ADAM32: variants seen among roughly 807,000 people sequenced by gnomAD.
ADAM32 encodes ADAM metallopeptidase domain 32, also known as disintegrin and metalloproteinase domain-containing protein 32.
A neutral mutation model predicts 114.9 loss-of-function variants in ADAM32; 89 were observed. The ratio of observed to expected loss-of-function variants is 0.77; its 90% CI spans 0.65 to 0.92. The LOEUF is 0.92. Ranked by LOEUF, ADAM32 falls within the 40% of genes least tolerant of loss-of-function variation. The pLI is 0.00. For missense variants in ADAM32, 870 were observed against 932.8 expected (o/e 0.93, Z 0.88); for synonymous variants, 285 against 307.5 (o/e 0.93, Z 0.77).
chr8:39,116,521 AT>A (rs1840383722), intron 1 of ADAM32, among the ~76,000 whole-genome samples: 1 of 151,664 alleles, frequency 6.6e-6, no homozygotes, highest in East Asian at 1.9e-4. Context: ...TCCTGTTCTT[AT>A]TTTGGCTCTT....
rs150517752 is a variant in ADAM32 at position 39,229,955 on chromosome 8, G to A, written c.1526-2072G>A. On this transcript the variant is annotated intron_variant, in intron 14 of 24. Coordinates refer to ENST00000379907, the MANE Select transcript of ADAM32 (RefSeq NM_145004.7). The stretch of plus-strand genomic sequence containing the variant: ...GACCCAAAGATAAGCCATAAAACGA[G>A]CCTCAATAAATTTAATAAAATTGAA... Among the ~76,000 whole-genome samples the A allele has an allele frequency of 3.2e-4, 48 of 152,214 alleles. 1 individual carries two copies. The highest frequency in any genetic ancestry group is 1.1e-3 in the African/African-American group (46 of 41,540).
chr8:39,273,848 A>T (rs915166267), intron 20 of ADAM32, among the ~76,000 whole-genome samples: 1 of 151,990 alleles, frequency 6.6e-6, no homozygotes, highest in African/African-American at 2.4e-5. Context: ...GGAAAGGGAA[A>T]ATTGTTTTGC....
At chr8:39,185,838 A>T (rs1806201515) in intron 10 of ADAM32, among the ~76,000 whole-genome samples, 1 of 152,068 alleles carries the variant, frequency 6.6e-6, no homozygotes, top group African/African-American at 2.4e-5. Flanking sequence ...CCTAGAGGCA[A>T]TGTGGGGTAG....
At chr8:39,275,994 C>A in intron 22 of ADAM32, 128 bp downstream of exon 22, 3 of 754,104 alleles carry the variant, frequency 4.0e-6, no homozygotes, top group South Asian at 3.0e-5. Context: ...AGTACTGTAC[C>A]TTAAAACAAC....
At chr8:39,214,078 A>G (rs1808402203) in intron 12 of ADAM32, among the ~76,000 whole-genome samples, 1 of 152,130 alleles carries the variant, frequency 6.6e-6, no homozygotes, top group Admixed American at 6.5e-5. Flanking sequence ...TCCTTTATCC[A>G]TTCATCTGTA....
intron 2 of ADAM32, among the ~76,000 whole-genome samples, chr8:39,134,236 C>T (rs1004702967): frequency 6.6e-6 from 1 of 151,994 alleles, no homozygotes; most frequent in Non-Finnish European, 1.5e-5. Flanking sequence ...TGGTACTGTG[C>T]TGCCTCTGCT....
intron 2 of ADAM32, among the ~76,000 whole-genome samples, chr8:39,121,194 A>G (rs547710108): frequency 1.1e-4 from 17 of 152,246 alleles, no homozygotes; most frequent in Non-Finnish European, 2.4e-4. Context: ...CGCCATGTCA[A>G]GTGAAGCCAG....
chr8:39,223,249 T>A lies in ADAM32; in HGVS notation c.1525+11T>A. On this transcript the variant is annotated intron_variant, in intron 14 of 24. Coordinates refer to ENST00000379907, the MANE Select transcript of ADAM32 (RefSeq NM_145004.7). Reference sequence around the variant, plus strand: ...GTGTATTTGGAAAAGGTAATATCTTTTTGTTACATCTCAATAGCCCTTAAC... The same window carrying A: ...GTGTATTTGGAAAAGGTAATATCTTATTGTTACATCTCAATAGCCCTTAAC... 6 of 1,546,374 alleles carry A rather than the reference T, an allele frequency of 3.9e-6. No individual in the cohort carries two copies. The highest frequency in any genetic ancestry group is 5.2e-6 in the Non-Finnish European group (6 of 1,146,360).
intron 1 of ADAM32, among the ~76,000 whole-genome samples, chr8:39,113,329 G>A (rs901129160): frequency 2.0e-5 from 3 of 152,110 alleles, no homozygotes; most frequent in Non-Finnish European, 4.4e-5. Context: ...GGTGTCCTGT[G>A]TCATAACACT....
intron 5 of ADAM32, among the ~76,000 whole-genome samples, 159 bp downstream of exon 5, chr8:39,150,026 C>T (rs1803729875): frequency 6.6e-6 from 1 of 152,104 alleles, no homozygotes; most frequent in African/African-American, 2.4e-5. Context: ...TCTTATTTCT[C>T]CTCACTTTCC....
rs541405828 is a variant in ADAM32, at chr8:39,181,082, A to G, written c.916-5827A>G. 5.3e-5 allele frequency among the ~76,000 whole-genome samples: 8 copies of G among 152,364 alleles called. No homozygotes were observed. The East Asian group carries it at 1.5e-3, about 29-fold the overall frequency. ...CAATCAGCAGGATGTGGGTGGGGCC[A>G]GATAAGAGAATAAAAGCAGGCTGCC... On this transcript the variant is annotated intron_variant, in intron 10 of 24. Transcript: ENST00000379907.
At chr8:39,118,390 A>G (rs1840462908) in intron 2 of ADAM32, among the ~76,000 whole-genome samples, 1 of 152,090 alleles carries the variant, frequency 6.6e-6, no homozygotes, top group South Asian at 2.1e-4. Flanking sequence ...TTAAAAGTTT[A>G]CATATAGAAG....
chr8:39,193,987 C>T (rs1806779460), intron 11 of ADAM32, among the ~76,000 whole-genome samples: 1 of 152,186 alleles, frequency 6.6e-6, no homozygotes, highest in South Asian at 2.1e-4. Context: ...GTGCCAACAG[C>T]AGTGGCGGTG....
intron 1 of ADAM32, among the ~76,000 whole-genome samples, chr8:39,110,519 T>C (rs1275442380): frequency 6.6e-6 from 1 of 152,246 alleles, no homozygotes; most frequent in African/African-American, 2.4e-5. Flanking sequence ...TGCAGGTTTT[T>C]GTGTGGACAT....
chr8:39,279,239 A>G (rs910905248), intron 22 of ADAM32, among the ~76,000 whole-genome samples: 2 of 152,152 alleles, frequency 1.3e-5, no homozygotes, highest in Non-Finnish European at 2.9e-5. Flanking sequence ...TCCACTGGAA[A>G]TGATTATATT....
chr8:39,250,016 T>C (rs1239816281), intron 17 of ADAM32, among the ~76,000 whole-genome samples: 1 of 152,144 alleles, frequency 6.6e-6, no homozygotes, highest in African/African-American at 2.4e-5. Context: ...TCTTTATCTT[T>C]GATTTTCTGT....
chr8:39,268,876 A>T (rs528087486), intron 19 of ADAM32, among the ~76,000 whole-genome samples: 4 of 152,386 alleles, frequency 2.6e-5, no homozygotes, highest in South Asian at 4.1e-4. Context: ...ATAAAAAGAC[A>T]GTACCATTCT....
chr8:39,130,923 C>T, intron 2 of ADAM32: 1 of 445,892 alleles, frequency 2.2e-6, no homozygotes, highest in South Asian at 1.6e-5. Flanking sequence ...GCCTATAATC[C>T]CGGCATTTTG....
intron 6 of ADAM32, among the ~76,000 whole-genome samples, chr8:39,159,933 C>G (rs1804389508): frequency 6.6e-6 from 1 of 152,154 alleles, no homozygotes; most frequent in Non-Finnish European, 1.5e-5. Context: ...CCACAATACT[C>G]CCTTATAGAA....
Sources: gnomAD v4.1 joint callset for allele counts (sites outside exome capture counted in the v4.1 genomes callset) on GRCh38, gnomAD v4.1.1 for gene constraint, MANE v1.5 for transcripts, NCBI Gene and HGNC (gene_info 2026-07-23, HGNC 2026-07-21) for gene names.